DCAF8L2: variants seen among roughly 807,000 people sequenced by gnomAD.
DCAF8L2 encodes the protein DDB1- and CUL4-associated factor 8-like protein 2.
For synonymous variants in DCAF8L2, 200 were observed against 190.9 expected, an observed-to-expected ratio of 1.05 and a Z score of -0.39; for missense variants, 430 against 490.7, an observed-to-expected ratio of 0.88 and a Z score of 1.17.
At chrX:27,533,180 A>AGAGAGAG in the DCAF8L2 span, among the ~76,000 whole-genome samples, 311 of 18,221 alleles carry the variant, frequency 0.017, 13 homozygotes, top group East Asian at 0.061. Flanking sequence ...GAAAGAAAGA[A>AGAGAGAG]AGAAAGAAAG....
intron 1 of DCAF8L2, among the ~76,000 whole-genome samples, chrX:27,617,636 TTC>T (rs1927542099): frequency 9.0e-6 from 1 of 111,389 alleles, no homozygotes; most frequent in African/African-American, 3.3e-5. Context: ...TTTTATAAGT[TTC>T]TGTTTTTTAT....
At chrX:27,722,344 T>C (rs116234405) in intron 4 of DCAF8L2, among the ~76,000 whole-genome samples, 2,906 of 111,474 alleles carry the variant, frequency 0.026, 88 homozygotes, top group African/African-American at 0.088. Flanking sequence ...GAAAATATTG[T>C]AGGTTGAAAA....
the DCAF8L2 span, among the ~76,000 whole-genome samples, chrX:27,514,686 A>AC: frequency 1.1e-5 from 1 of 87,938 alleles, no homozygotes; most frequent in African/African-American, 5.4e-5. Context: ...AAAAAAAAAA[A>AC]AAAAAAAAAC....
At chrX:27,571,406 TTAAC>T in the DCAF8L2 span, among the ~76,000 whole-genome samples, 1 of 111,692 alleles carries the variant, frequency 9.0e-6, no homozygotes, top group Non-Finnish European at 1.9e-5. Context: ...GTGGTGGAGT[TTAAC>T]TAAGACTTTT....
intron 1 of DCAF8L2, among the ~76,000 whole-genome samples, chrX:27,596,567 A>G (rs888541504): frequency 2.2e-4 from 25 of 111,725 alleles, no homozygotes; most frequent in African/African-American, 7.5e-4. Flanking sequence ...TAACGGGTGA[A>G]AAACAATATA....
the DCAF8L2 span, among the ~76,000 whole-genome samples, chrX:27,564,208 A>G: frequency 9.0e-6 from 1 of 110,831 alleles, no homozygotes; most frequent in Middle Eastern, 4.7e-3. Flanking sequence ...TGTCAAGCAA[A>G]AGGGGGAAAG....
At chrX:27,505,641 A>G in the DCAF8L2 span, among the ~76,000 whole-genome samples, 1 of 111,534 alleles carries the variant, frequency 9.0e-6, no homozygotes, top group Non-Finnish European at 1.9e-5. Flanking sequence ...TTTTCCTTGA[A>G]TATGGATTGA....
At chrX:27,639,484 C>T (rs1484568686) in intron 2 of DCAF8L2, among the ~76,000 whole-genome samples, 1 of 111,559 alleles carries the variant, frequency 9.0e-6, no homozygotes, top group Admixed American at 9.6e-5. Context: ...GGAATGAATA[C>T]CCCATTCTCC....
At chrX:27,469,503 T>C in the DCAF8L2 span, among the ~76,000 whole-genome samples, 1 of 112,009 alleles carries the variant, frequency 8.9e-6, no homozygotes, top group Non-Finnish European at 1.9e-5. Context: ...ATATATATTT[T>C]CATTTTATAA....
At chrX:27,653,723 T>TAC (rs1332992179) in intron 2 of DCAF8L2, among the ~76,000 whole-genome samples, 2 of 66,905 alleles carry the variant, frequency 3.0e-5, no homozygotes, top group Admixed American at 1.5e-4. Flanking sequence ...CACAGATATG[T>TAC]ATACACACAC....
At chrX:27,587,985 A>AATATATATATATATATATATAT (rs202098791), upstream of DCAF8L2, among the ~76,000 whole-genome samples, 7 of 22,353 alleles carry the variant, frequency 3.1e-4, no homozygotes, top group African/African-American at 3.9e-4. Context: ...TAAAAAAAAA[A>AATATATATATATATATATATAT]ATATATATAT....
chrX:27,681,642 T>C (rs757429165), intron 3 of DCAF8L2, among the ~76,000 whole-genome samples: 3 of 112,235 alleles, frequency 2.7e-5, no homozygotes, highest in Non-Finnish European at 3.8e-5. Flanking sequence ...CTTATGTGAT[T>C]GGATTAAAAT....
intron 3 of DCAF8L2, among the ~76,000 whole-genome samples, chrX:27,706,097 T>A (rs1439368602): frequency 9.0e-6 from 1 of 111,290 alleles, no homozygotes; most frequent in African/African-American, 3.3e-5. Flanking sequence ...AAAGACCAGA[T>A]GCTTGTAGGT....
At chrX:27,726,776 C>G (rs958203645) in intron 4 of DCAF8L2, among the ~76,000 whole-genome samples, 3 of 111,872 alleles carry the variant, frequency 2.7e-5, no homozygotes, top group African/African-American at 9.7e-5. Context: ...TATAGCGTGT[C>G]CTTGTATGTA....
chrX:27,674,134 C>T (rs1162940703), intron 2 of DCAF8L2, among the ~76,000 whole-genome samples: 1 of 111,285 alleles, frequency 9.0e-6, no homozygotes, highest in African/African-American at 3.3e-5. Context: ...GACATACTTT[C>T]CACTTATTAT....
At chrX:27,657,987 T>C (rs1395171415) in intron 2 of DCAF8L2, among the ~76,000 whole-genome samples, 1 of 112,593 alleles carries the variant, frequency 8.9e-6, no homozygotes, top group Non-Finnish European at 1.9e-5. Context: ...AGTAGAAATA[T>C]AAGCAGACCC....
intron 1 of DCAF8L2, among the ~76,000 whole-genome samples, chrX:27,599,496 T>G (rs1222000756): frequency 2.7e-5 from 3 of 111,283 alleles, no homozygotes; most frequent in Non-Finnish European, 5.7e-5. Context: ...CCCTAAAAAT[T>G]TGTTAAGAGG....
the DCAF8L2 span, among the ~76,000 whole-genome samples, chrX:27,481,646 C>CT: frequency 0.062 from 6,859 of 110,676 alleles, 524 homozygotes; most frequent in African/African-American, 0.21. Flanking sequence ...CTTAGTGATG[C>CT]TTGGATAAGG....
At chrX:27,519,369 A>T in the DCAF8L2 span, 3 of 1,152,796 alleles carry the variant, frequency 2.6e-6, no homozygotes, top group Non-Finnish European at 3.5e-6. Flanking sequence ...CCGTAGCAAA[A>T]CAAGCTGCCG....
Sources: gnomAD v4.1 joint callset for allele counts (sites outside exome capture counted in the v4.1 genomes callset) on GRCh38, gnomAD v4.1.1 for gene constraint, MANE v1.5 for transcripts, NCBI Gene and HGNC (gene_info 2026-07-23, HGNC 2026-07-21) for gene names.